CALN1: variants seen among roughly 807,000 people sequenced by gnomAD.
The protein encoded by CALN1 is calneuron 1.
CALN1 carries 17 observed loss-of-function variants against 30.6 expected under a neutral mutation model. The ratio of observed to expected loss-of-function variants is 0.56; its 90% CI spans 0.38 to 0.83. CALN1 has a LOEUF of 0.83. Ranked by LOEUF, CALN1 falls within the 40% of genes least tolerant of loss-of-function variation. The pLI, the probability that CALN1 is intolerant of heterozygous loss-of-function variation, is 0.00. For synonymous variants in CALN1, 156 were observed against 131.4 expected, an observed-to-expected ratio of 1.19 and a Z score of -1.28; for missense variants, 291 against 354.9, an observed-to-expected ratio of 0.82 and a Z score of 1.45.
intron 3 of CALN1, among the ~76,000 whole-genome samples, chr7:72,196,976 G>T (rs1189774308): frequency 1.3e-5 from 2 of 151,982 alleles, no homozygotes; most frequent in African/African-American, 4.8e-5. Flanking sequence ...TTAAATGAGG[G>T]ATAGTCTGAA....
intron 4 of CALN1, among the ~76,000 whole-genome samples, chr7:72,046,256 A>G (rs1802464796): frequency 2.0e-5 from 3 of 151,964 alleles, no homozygotes; most frequent in Admixed American, 1.3e-4. Flanking sequence ...TTTTTTGGAG[A>G]CAAGGTCTCT....
intron 3 of CALN1, among the ~76,000 whole-genome samples, chr7:72,255,596 A>G (rs947720838): frequency 1.3e-5 from 2 of 150,094 alleles, no homozygotes; most frequent in African/African-American, 4.9e-5. Flanking sequence ...TTATATTTTT[A>G]GTAGAAACAG....
chr7:71,993,672 G>A (rs1204674504), intron 5 of CALN1, among the ~76,000 whole-genome samples: 1 of 152,046 alleles, frequency 6.6e-6, no homozygotes, highest in East Asian at 1.9e-4. Context: ...GGGCAGGCTG[G>A]TCTCGAACTC....
chr7:72,368,510 A>G, intron 2 of CALN1, among the ~76,000 whole-genome samples: 1 of 152,072 alleles, frequency 6.6e-6, no homozygotes, highest in Non-Finnish European at 1.5e-5. Context: ...ATTTATATAC[A>G]AGAAAATACA....
At chr7:71,925,109 C>T (rs1267158418) in intron 5 of CALN1, among the ~76,000 whole-genome samples, 1 of 151,990 alleles carries the variant, frequency 6.6e-6, no homozygotes, top group Non-Finnish European at 1.5e-5. Flanking sequence ...GGCATGGTGG[C>T]ACATGCTTGT....
At chr7:72,016,418 A>C (rs1245704456) in intron 5 of CALN1, among the ~76,000 whole-genome samples, 2 of 151,636 alleles carry the variant, frequency 1.3e-5, no homozygotes, top group African/African-American at 4.8e-5. Flanking sequence ...ATGGGTCAAG[A>C]ATTTTATTTA....
At chr7:72,343,749 C>G (rs1034130001) in intron 2 of CALN1, among the ~76,000 whole-genome samples, 1 of 152,116 alleles carries the variant, frequency 6.6e-6, no homozygotes, top group Admixed American at 6.5e-5. Context: ...TAGCAAGGAA[C>G]CAGGGTTTGC....
At chr7:72,220,880 T>C (rs958569099) in intron 3 of CALN1, among the ~76,000 whole-genome samples, 1 of 152,202 alleles carries the variant, frequency 6.6e-6, no homozygotes, top group Non-Finnish European at 1.5e-5. Context: ...GCCCACTTTT[T>C]GATGGGGTTG....
At chr7:72,326,435 A>G (rs1270543527) in intron 2 of CALN1, among the ~76,000 whole-genome samples, 1 of 152,218 alleles carries the variant, frequency 6.6e-6, no homozygotes, top group Non-Finnish European at 1.5e-5. Flanking sequence ...CCTACTAAGC[A>G]CTAAGCTAGT....
chr7:72,251,824 G>T (rs1401557974), intron 3 of CALN1, among the ~76,000 whole-genome samples: 3 of 152,146 alleles, frequency 2.0e-5, no homozygotes, highest in Non-Finnish European at 4.4e-5. Flanking sequence ...CAGTACCATA[G>T]ATTTGCAAGA....
At chr7:72,160,515 G>A (rs942336292) in intron 3 of CALN1, among the ~76,000 whole-genome samples, 4 of 152,060 alleles carry the variant, frequency 2.6e-5, no homozygotes, top group Non-Finnish European at 5.9e-5. Flanking sequence ...TTGACCTCAA[G>A]TGATCTGCCC....
intron 2 of CALN1, among the ~76,000 whole-genome samples, chr7:72,341,953 G>A (rs117271550): frequency 0.014 from 2,173 of 152,126 alleles, 30 homozygotes; most frequent in Non-Finnish European, 0.019. Flanking sequence ...TAAGCTCAGC[G>A]AGCCTCAGAA....
intron 2 of CALN1, among the ~76,000 whole-genome samples, chr7:72,381,342 A>G (rs1015413385): frequency 6.6e-6 from 1 of 152,192 alleles, no homozygotes; most frequent in African/African-American, 2.4e-5. Flanking sequence ...CTGGGTATAT[A>G]CCCAAAGGAT....
chr7:72,081,382 T>G (rs527477725), intron 4 of CALN1, among the ~76,000 whole-genome samples: 1 of 131,120 alleles, frequency 7.6e-6, no homozygotes, highest in Admixed American at 7.9e-5. Flanking sequence ...ATGAGAACAG[T>G]TGGCATAAGA....
chr7:71,858,343 T>C (rs896554235), intron 5 of CALN1, among the ~76,000 whole-genome samples: 1 of 152,258 alleles, frequency 6.6e-6, no homozygotes, highest in African/African-American at 2.4e-5. Context: ...CTCTTTCCTT[T>C]ATAAATCACC....
chr7:71,797,311 C>T (rs1786988182), intron 6 of CALN1, among the ~76,000 whole-genome samples: 4 of 152,172 alleles, frequency 2.6e-5, no homozygotes, highest in Admixed American at 2.0e-4. Context: ...TCAGGTGATT[C>T]TTAGGATAAC....
At chr7:72,013,247 ATTTTTTTT>A (rs1025112311) in intron 5 of CALN1, among the ~76,000 whole-genome samples, 11 of 92,982 alleles carry the variant, frequency 1.2e-4, no homozygotes, top group Middle Eastern at 6.6e-3. Context: ...CTAATTTGAG[ATTTTTTTT>A]TTTTTTTTTT....
intron 3 of CALN1, among the ~76,000 whole-genome samples, chr7:72,237,883 G>C (rs533349796): frequency 6.6e-6 from 1 of 152,320 alleles, no homozygotes; most frequent in Non-Finnish European, 1.5e-5. Context: ...CATGGAAAAT[G>C]GAAGTGCCTG....
At chr7:72,308,641 C>G (rs1386347248) in intron 2 of CALN1, among the ~76,000 whole-genome samples, 2 of 152,172 alleles carry the variant, frequency 1.3e-5, no homozygotes, top group Non-Finnish European at 2.9e-5. Flanking sequence ...AGCTACCATC[C>G]TCCCATGTCC....
Sources: gnomAD v4.1 joint callset for allele counts (sites outside exome capture counted in the v4.1 genomes callset) on GRCh38, gnomAD v4.1.1 for gene constraint, MANE v1.5 for transcripts, NCBI Gene and HGNC (gene_info 2026-07-23, HGNC 2026-07-21) for gene names.